EPHA6: variants seen among roughly 807,000 people sequenced by gnomAD.
EPHA6 encodes ephrin type-A receptor 6.
A neutral mutation model predicts 112.0 loss-of-function variants in EPHA6; 50 were observed. That is an observed-to-expected ratio of 0.45 (90% CI 0.36 to 0.56). The LOEUF (loss-of-function observed/expected upper bound fraction) is 0.56. Among genes scored for constraint, EPHA6 ranks in the 20% least tolerant of loss-of-function variants. The pLI is 0.00. For missense variants in EPHA6, 1,280 were observed against 1,417.4 expected, an observed-to-expected ratio of 0.90 and a Z score of 1.56; for synonymous variants, 529 against 490.7, an observed-to-expected ratio of 1.08 and a Z score of -1.03.
intron 5 of EPHA6, among the ~76,000 whole-genome samples, chr3:97,362,097 G>T: frequency 6.6e-6 from 1 of 152,010 alleles, no homozygotes; most frequent in East Asian, 1.9e-4. Flanking sequence ...TTTTGGTAAA[G>T]GAGAAAAACA....
intron 12 of EPHA6, among the ~76,000 whole-genome samples, chr3:97,602,663 C>T (rs1174853596): frequency 1.3e-5 from 2 of 151,936 alleles, no homozygotes; most frequent in East Asian, 3.9e-4. Context: ...CCACAAGGGT[C>T]AATATGAGGA....
At chr3:97,021,417 A>C (rs2044455281) in intron 3 of EPHA6, among the ~76,000 whole-genome samples, 1 of 151,552 alleles carries the variant, frequency 6.6e-6, no homozygotes, top group Non-Finnish European at 1.5e-5. Context: ...TATTCCCATC[A>C]CTCATTGTTT....
chr3:97,713,146 G>A (rs1576336667), intron 14 of EPHA6, among the ~76,000 whole-genome samples: 3 of 152,264 alleles, frequency 2.0e-5, no homozygotes, highest in Non-Finnish European at 1.5e-5. Flanking sequence ...TAGGTCAAGT[G>A]TGTCTGATGA....
intron 5 of EPHA6, among the ~76,000 whole-genome samples, chr3:97,352,657 A>T (rs2108899434): frequency 6.6e-6 from 1 of 152,296 alleles, no homozygotes; most frequent in African/African-American, 2.4e-5. Flanking sequence ...AGTTCCAGCT[A>T]GCCCCACAAC....
intron 1 of EPHA6, among the ~76,000 whole-genome samples, chr3:96,832,323 A>C (rs1458514221): frequency 2.0e-5 from 3 of 152,074 alleles, no homozygotes; most frequent in African/African-American, 7.2e-5. Context: ...CCATCGATAG[A>C]ATATTAACAA....
intron 3 of EPHA6, among the ~76,000 whole-genome samples, chr3:97,109,741 CTA>C (rs1178198953): frequency 6.6e-6 from 1 of 152,106 alleles, no homozygotes; most frequent in Non-Finnish European, 1.5e-5. Flanking sequence ...CGACAATGTA[CTA>C]TGACAGATGC....
At chr3:97,091,154 TC>T (rs2047053681) in intron 3 of EPHA6, among the ~76,000 whole-genome samples, 1 of 152,128 alleles carries the variant, frequency 6.6e-6, no homozygotes, top group African/African-American at 2.4e-5. Flanking sequence ...TTATGTGATT[TC>T]CCATCCTGAT....
chr3:97,662,860 G>A (rs2094178904), intron 14 of EPHA6, among the ~76,000 whole-genome samples: 1 of 152,116 alleles, frequency 6.6e-6, no homozygotes, highest in Admixed American at 6.5e-5. Flanking sequence ...TACCATTTCT[G>A]TGTACACAGG....
In EPHA6 at chr3:97,638,061, A is replaced by G; in HGVS notation, c.2763A>G (p.Pro921=). The change falls in exon 14 of 18, where the codon CCA becomes CCG. Residue 921 remains proline, a synonymous_variant. Coordinates refer to ENST00000389672, the MANE Select transcript of EPHA6 (RefSeq NM_001080448.3). Reference sequence around the variant, plus strand: ...TCTCCAGAGTGCTGGAAGATGATCCAGAAGCTGCTTATACAACAACTGTAA... The same window carrying G: ...TCTCCAGAGTGCTGGAAGATGATCCGGAAGCTGCTTATACAACAACTGTAA... ...FGLSRVLEDD[P]EAAYTTTGGK... is the part of the protein sequence containing the mutation. The G allele has an allele frequency of 6.2e-7, 1 of 1,613,590 alleles. No individual in the cohort carries two copies. The highest frequency in any genetic ancestry group is 8.5e-7 in the Non-Finnish European group (1 of 1,179,704).
At position 96,966,863 on chromosome 3, in the gene EPHA6, G is replaced by A. The variant is rs143346806; in HGVS notation, c.451-20467G>A. ...AACTATTGCATTTACTTTAAATTTT[G>A]TCCTAATATTTACTGTGTTAAGTAT... is the stretch of plus-strand genomic sequence containing the variant. On this transcript the variant is annotated intron_variant, in intron 2 of 17. Transcript: ENST00000389672. Among the ~76,000 whole-genome samples the A allele has an allele frequency of 3.9e-3, 590 of 151,582 alleles. 4 individuals are homozygous for A. The highest frequency in any genetic ancestry group is 0.013 in the African/African-American group (519 of 41,358).
intron 15 of EPHA6, among the ~76,000 whole-genome samples, chr3:97,731,801 T>C (rs186854007): frequency 6.6e-6 from 1 of 152,138 alleles, no homozygotes; most frequent in Non-Finnish European, 1.5e-5. Context: ...AAAATTGAAC[T>C]CATCATCACT....
rs144844266 is a variant in EPHA6 at position 97,316,689 on chromosome 3, G to C, written c.1606+72402G>C. 3.5e-4 allele frequency among the ~76,000 whole-genome samples: 53 copies of C among 152,006 alleles called. 1 individual carries two copies. The highest frequency in any genetic ancestry group is 1.2e-3 in the African/African-American group (51 of 41,468). On this transcript the variant is annotated intron_variant, in intron 5 of 17. Coordinates refer to ENST00000389672, the MANE Select transcript of EPHA6 (RefSeq NM_001080448.3). ...ACTATTGACATTTTTCAGCTAAAAT[G>C]CCAACTCTAATGTGAAATCAACTTT...
intron 3 of EPHA6, among the ~76,000 whole-genome samples, chr3:97,084,915 T>C (rs2046846406): frequency 6.6e-6 from 1 of 152,142 alleles, no homozygotes; most frequent in Non-Finnish European, 1.5e-5. Flanking sequence ...CAAAAAATAC[T>C]TGTGAGTCAA....
intron 5 of EPHA6, among the ~76,000 whole-genome samples, chr3:97,313,908 T>TG (rs751015568): frequency 1.3e-5 from 2 of 151,680 alleles, no homozygotes; most frequent in Admixed American, 6.6e-5. Flanking sequence ...GCCTATTTCT[T>TG]GCTTTTGTTG....
intron 1 of EPHA6, among the ~76,000 whole-genome samples, chr3:96,864,418 A>C (rs978831776): frequency 3.3e-5 from 5 of 152,122 alleles, no homozygotes; most frequent in African/African-American, 1.2e-4. Context: ...TCTCAAATGC[A>C]TATGTGAAGT....
chr3:97,440,481 CA>C (rs1180896719), intron 6 of EPHA6, among the ~76,000 whole-genome samples: 2 of 150,956 alleles, frequency 1.3e-5, no homozygotes, highest in African/African-American at 4.9e-5. Context: ...TATATCAGGA[CA>C]AAAAAATTTC....
At chr3:96,996,023 C>T (rs1345844953) in intron 3 of EPHA6, among the ~76,000 whole-genome samples, 1 of 152,080 alleles carries the variant, frequency 6.6e-6, no homozygotes, top group African/African-American at 2.4e-5. Context: ...GGAGTCAGTC[C>T]TCTCAAACCC....
At position 97,756,034 on chromosome 3, in the gene EPHA6, A is replaced by G. The variant is rs2036017097; in HGVS notation, c.*7333A>G. Among the ~76,000 whole-genome samples, 1 of 152,046 alleles carries G rather than the reference A, an allele frequency of 6.6e-6. No individual in the cohort carries two copies. The highest frequency in any genetic ancestry group is 2.4e-5 in the African/African-American group (1 of 41,460). ...TTTAGATAGAAATTGCTTTTGTTAA[A>G]TTTACATTTAAACACATCTTCATTC... On this transcript the variant is annotated 3_prime_UTR_variant, in exon 18 of 18. Transcript: ENST00000389672.
At chr3:97,688,771 T>A (rs1409448137) in intron 14 of EPHA6, among the ~76,000 whole-genome samples, 1 of 152,068 alleles carries the variant, frequency 6.6e-6, no homozygotes, top group African/African-American at 2.4e-5. Context: ...CTACCCACTT[T>A]GTTTCTAAAT....
Sources: allele counts gnomAD v4.1 joint callset (sites outside exome capture counted in the v4.1 genomes callset), GRCh38; gene constraint gnomAD v4.1.1; transcripts MANE v1.5; gene names NCBI Gene and HGNC (gene_info 2026-07-23, HGNC 2026-07-21).